Variants in SUMF1 observed in about 807,000 individuals in gnomAD.
SUMF1 encodes sulfatase modifying factor 1.
A neutral mutation model predicts 47.6 loss-of-function variants in SUMF1; 48 were observed. The observed-to-expected ratio is 1.01, with a 90% CI of 0.80 to 1.28. The LOEUF is 1.28. Among genes scored for constraint, SUMF1 ranks in the 50% most tolerant of loss-of-function variants. The pLI, the probability that SUMF1 is intolerant of heterozygous loss-of-function variation, is 0.00. For synonymous variants in SUMF1, 230 were observed against 192.1 expected (o/e 1.20, Z -1.63); for missense variants, 571 against 485.4 (o/e 1.18, Z -1.66).
chr3:4,298,952 G>T (rs1386686732), intron 8 of SUMF1, among the ~76,000 whole-genome samples: 1 of 152,114 alleles, frequency 6.6e-6, no homozygotes, highest in Non-Finnish European at 1.5e-5. Flanking sequence ...CACCTGGAAT[G>T]CCTAAATCCT....
chr3:4,202,635 C>T (rs972349281), intron 8 of SUMF1, among the ~76,000 whole-genome samples: 1 of 151,866 alleles, frequency 6.6e-6, no homozygotes, highest in Non-Finnish European at 1.5e-5. Flanking sequence ...TTTTCTATTT[C>T]TGTGAAGAAT....
intron 8 of SUMF1, among the ~76,000 whole-genome samples, chr3:4,221,597 G>A (rs1392702687): frequency 5.3e-5 from 8 of 152,006 alleles, no homozygotes; most frequent in African/African-American, 1.9e-4. Flanking sequence ...ATTACAATGT[G>A]GACCTATCAT....
Position 4,326,516 on chromosome 3 carries a change from C to G in SUMF1, c.1014+49814G>C, listed in dbSNP as rs572140395. Among the ~76,000 whole-genome samples the G allele has an allele frequency of 3.0e-5, 3 of 101,022 alleles. No homozygotes were observed. In the East Asian group the frequency reaches 6.4e-4, roughly 22 times the overall value. The allele number at this position is 101,022 out of a possible 152,430, so 66.3% of individuals were successfully genotyped here. On this transcript the variant is annotated intron_variant and NMD_transcript_variant, in intron 8 of 12. Transcript: ENST00000448413. ...TAAACAATGTACAAGGCCAGTTTTT[C>G]CAAGGGTTTTTTTTTTTTTGAGATA...
chr3:4,309,034 G>A (rs959620297), intron 8 of SUMF1, among the ~76,000 whole-genome samples: 2 of 152,170 alleles, frequency 1.3e-5, no homozygotes, highest in African/African-American at 4.8e-5. Flanking sequence ...AGTCCAGAAA[G>A]ACAGGACAGT....
chr3:4,318,353 A>C (rs1169147117), intron 8 of SUMF1, among the ~76,000 whole-genome samples: 2 of 152,222 alleles, frequency 1.3e-5, no homozygotes, highest in Non-Finnish European at 2.9e-5. Flanking sequence ...ATAAATACAT[A>C]ATCATTTCCA....
At chr3:4,417,638 G>A (rs949973487) in intron 5 of SUMF1, among the ~76,000 whole-genome samples, 1 of 152,198 alleles carries the variant, frequency 6.6e-6, no homozygotes, top group East Asian at 1.9e-4. Context: ...CCCAACATGA[G>A]TTTTCTGTCT....
intron 8 of SUMF1, among the ~76,000 whole-genome samples, chr3:4,222,379 C>G (rs1294024175): frequency 6.6e-6 from 1 of 151,966 alleles, no homozygotes; most frequent in Non-Finnish European, 1.5e-5. Context: ...AGATACGGTT[C>G]TCATCATTAT....
intron 8 of SUMF1, among the ~76,000 whole-genome samples, chr3:4,176,067 G>T (rs937693895): frequency 6.6e-6 from 1 of 152,178 alleles, no homozygotes; most frequent in Admixed American, 6.5e-5. Context: ...TTTGATTGTT[G>T]TACCTGAAAG....
chr3:4,206,131 C>G (rs1695648115), intron 8 of SUMF1, among the ~76,000 whole-genome samples: 1 of 151,390 alleles, frequency 6.6e-6, no homozygotes, highest in African/African-American at 2.4e-5. Context: ...AGCCAGTATC[C>G]AAGGTGCAGG....
At chr3:4,113,817 T>C (rs1326070467) in intron 8 of SUMF1, among the ~76,000 whole-genome samples, 2 of 152,062 alleles carry the variant, frequency 1.3e-5, no homozygotes, top group Admixed American at 1.3e-4. Flanking sequence ...GGTAGGCAGA[T>C]AGGAACAATT....
At position 4,452,782 on chromosome 3, in the gene SUMF1, A is replaced by G. The variant is rs539767437; in HGVS notation, c.444+94T>C. On this transcript the variant is annotated intron_variant, in intron 2 of 8. Coordinates refer to ENST00000272902, the MANE Select transcript of SUMF1 (RefSeq NM_182760.4). Reference sequence around the variant, plus strand: ...TTCACACAGTTCTGCCACAGAATGCAGTAAAAATGGTCAGTCAATCTTAGC... The same window carrying G: ...TTCACACAGTTCTGCCACAGAATGCGGTAAAAATGGTCAGTCAATCTTAGC... 5.0e-6 allele frequency: 7 copies of G among 1,408,124 alleles called. No homozygotes were observed. The African/African-American group carries it at 5.6e-5, about 11-fold the overall frequency. The allele number at this position is 1,408,124 out of a possible 1,614,324, so 87.2% of individuals were successfully genotyped here. A position where few individuals can be genotyped will look rare whatever the true frequency, so the allele number is the denominator to read the frequency against.
At chr3:4,106,614 A>C (rs925775643) in intron 8 of SUMF1, among the ~76,000 whole-genome samples, 3 of 152,144 alleles carry the variant, frequency 2.0e-5, no homozygotes, top group Non-Finnish European at 2.9e-5. Context: ...AGAAATAACG[A>C]GAAACTTGAA....
At chr3:4,403,841 A>G (rs1269761974) in intron 7 of SUMF1, among the ~76,000 whole-genome samples, 2 of 152,162 alleles carry the variant, frequency 1.3e-5, no homozygotes, top group African/African-American at 4.8e-5. Context: ...GAGAGGTTAG[A>G]GGAGGTTTCC....
At chr3:4,280,043 A>G (rs1354395859) in intron 8 of SUMF1, among the ~76,000 whole-genome samples, 1 of 152,198 alleles carries the variant, frequency 6.6e-6, no homozygotes, top group Non-Finnish European at 1.5e-5. Context: ...TAAGAAGACA[A>G]CAATTCCAGT....
chr3:4,224,490 A>G (rs1174630865), intron 8 of SUMF1, among the ~76,000 whole-genome samples: 5 of 152,124 alleles, frequency 3.3e-5, no homozygotes, highest in Middle Eastern at 6.3e-3. Context: ...CAGAGCTCAC[A>G]GAGATAGACA....
Position 4,246,726 on chromosome 3 carries a change from A to C in SUMF1, c.1014+129604T>G, listed in dbSNP as rs1397636274. ...TTTTCTCTGTTTCTTGATGTCTTTT[A>C]GTTGAAGATACTTCACTAACCACCA... On this transcript the variant is annotated intron_variant and NMD_transcript_variant, in intron 8 of 12. Transcript: ENST00000448413. 2.0e-5 allele frequency among the ~76,000 whole-genome samples: 3 copies of C among 152,102 alleles called. No homozygotes were observed. In the East Asian group the frequency reaches 5.8e-4, roughly 29 times the overall value.
At chr3:4,130,434 C>A (rs1468313285) in intron 8 of SUMF1, among the ~76,000 whole-genome samples, 1 of 152,182 alleles carries the variant, frequency 6.6e-6, no homozygotes, top group East Asian at 1.9e-4. Context: ...GTATCATAAT[C>A]TTATTCAGAA....
chr3:4,124,898 A>G (rs1314363840), intron 8 of SUMF1, among the ~76,000 whole-genome samples: 3 of 152,118 alleles, frequency 2.0e-5, no homozygotes, highest in African/African-American at 4.8e-5. Flanking sequence ...GTCATTTTCT[A>G]TAATGTGGTA....
At chr3:4,268,790 C>T (rs747210982) in intron 8 of SUMF1, among the ~76,000 whole-genome samples, 13 of 151,986 alleles carry the variant, frequency 8.6e-5, no homozygotes, top group Non-Finnish European at 1.5e-4. Flanking sequence ...AACCACTCTC[C>T]ACTTAGCTAC....
Sources: allele counts gnomAD v4.1 joint callset (sites outside exome capture counted in the v4.1 genomes callset), GRCh38; gene constraint gnomAD v4.1.1; transcripts MANE v1.5; gene names NCBI Gene and HGNC (gene_info 2026-07-23, HGNC 2026-07-21).